The following DRG1 variants were observed in gnomAD, a reference collection of about 807,000 sequenced individuals.
DRG1 encodes developmentally-regulated GTP-binding protein 1.
In DRG1, 19 loss-of-function variants were observed where a neutral mutation model predicts 38.8. That is an observed-to-expected ratio of 0.49 (90% CI 0.34 to 0.72). The LOEUF (loss-of-function observed/expected upper bound fraction) is 0.72, where lower values mean the gene tolerates loss of function less well. Ranked by LOEUF, DRG1 falls within the 30% of genes least tolerant of loss-of-function variation. The probability of loss-of-function intolerance (pLI) is 0.01; values close to 1 mark genes in which losing one functional copy is unlikely to be tolerated. For synonymous variants in DRG1, 167 were observed against 157.5 expected (o/e 1.06, Z -0.45); for missense variants, 299 against 444.8 (o/e 0.67, Z 2.95).
intron 2 of DRG1, among the ~76,000 whole-genome samples, chr22:31,401,974 C>T (rs183525022): frequency 6.6e-6 from 1 of 152,062 alleles, no homozygotes; most frequent in Non-Finnish European, 1.5e-5. Context: ...TCGCTTGAAC[C>T]TGGGAGGTGG....
intron 8 of DRG1, among the ~76,000 whole-genome samples, chr22:31,432,227 C>A (rs2050143198): frequency 6.6e-6 from 1 of 151,890 alleles, no homozygotes; most frequent in Non-Finnish European, 1.5e-5. Context: ...CAGGTGCAAA[C>A]CACCATGCCT....
chr22:31,412,387 G>A (rs1332849629), intron 4 of DRG1, among the ~76,000 whole-genome samples: 3 of 128,226 alleles, frequency 2.3e-5, no homozygotes, highest in African/African-American at 8.9e-5. Context: ...GTCTCGCTCT[G>A]TCGCCCAGGC....
At chr22:31,423,087 A>C (rs1360031145) in intron 5 of DRG1, among the ~76,000 whole-genome samples, 193 bp from the exon 6 acceptor site, 1 of 152,180 alleles carries the variant, frequency 6.6e-6, no homozygotes, top group African/African-American at 2.4e-5. Context: ...GGAGGAACAC[A>C]GTTCAGCGTG....
At chr22:31,427,257 AGCATTTT>A in intron 8 of DRG1, 75 bp downstream of exon 8, 1 of 1,537,684 alleles carries the variant, frequency 6.5e-7, no homozygotes, top group Admixed American at 2.0e-5. Context: ...TTCTTAGGAT[AGCATTTT>A]AAAAAAGAAG....
chr22:31,408,501 A>C (rs2050001439), intron 3 of DRG1, among the ~76,000 whole-genome samples: 1 of 151,690 alleles, frequency 6.6e-6, no homozygotes, highest in African/African-American at 2.4e-5. Context: ...TAATCCCAGC[A>C]CTTTGGGAGA....
chr22:31,412,759 G>T (rs542012061), intron 4 of DRG1, among the ~76,000 whole-genome samples: 1 of 149,098 alleles, frequency 6.7e-6, no homozygotes, highest in African/African-American at 2.5e-5. Flanking sequence ...GTGGGATCTC[G>T]GCTCACTGGA....
rs571360551 is a variant in DRG1, at chr22:31,399,720, G to A, written c.37G>A (p.Ala13Thr). ...STLAKIAEIE[A>T]EMARTQKNKA... is the part of the protein sequence containing the mutation. Reference sequence around the variant, plus strand: ...CTTAGCTAAGATCGCGGAGATAGAAGCAGAGGTAATGGACGCAGCTGGCGG... The same window carrying A: ...CTTAGCTAAGATCGCGGAGATAGAAACAGAGGTAATGGACGCAGCTGGCGG... The change falls in exon 1 of 9, where the codon GCA becomes ACA. Residue 13 changes from alanine to threonine, a missense_variant. Ala to Thr is a moderately conservative substitution (Grantham distance 58). Transcript: ENST00000331457. 27 of 1,613,886 alleles carry A rather than the reference G, an allele frequency of 1.7e-5. No individual in the cohort carries two copies. The highest frequency in any genetic ancestry group is 2.2e-5 in the Non-Finnish European group (26 of 1,179,876).
intron 4 of DRG1, among the ~76,000 whole-genome samples, chr22:31,412,192 G>A (rs1279760613): frequency 6.6e-6 from 1 of 150,888 alleles, no homozygotes; most frequent in Non-Finnish European, 1.5e-5. Context: ...TACTTGGGAG[G>A]CTGAGGCAGG....
rs766152127 is a variant in DRG1, at chr22:31,412,396, G to A, written c.412+1315G>A. 8.9e-5 allele frequency among the ~76,000 whole-genome samples: 13 copies of A among 146,034 alleles called. No homozygotes were observed. In the East Asian group the frequency reaches 1.2e-3, roughly 14 times the overall value. Reference sequence around the variant, plus strand: ...GATGGAGTCTCGCTCTGTCGCCCAGGCTAGAATGCTGTGGTGCCATCTTGG... The same window carrying A: ...GATGGAGTCTCGCTCTGTCGCCCAGACTAGAATGCTGTGGTGCCATCTTGG... On this transcript the variant is annotated intron_variant, in intron 4 of 8. Transcript: ENST00000331457.
At chr22:31,426,814 T>C in intron 7 of DRG1, 32 bp downstream of exon 7, 1 of 1,606,814 alleles carries the variant, frequency 6.2e-7, no homozygotes, top group Non-Finnish European at 8.5e-7. Flanking sequence ...AATGTTGCTA[T>C]AGGAATTAAC....
In DRG1 at chr22:31,434,169, G is replaced by T; in HGVS notation, c.*198G>T. 1 of 543,714 alleles carries T rather than the reference G, an allele frequency of 1.8e-6. No individual in the cohort carries two copies. 33.7% of individuals were successfully genotyped at this position (543,714 alleles called of 1,614,324 possible). On this transcript the variant is annotated 3_prime_UTR_variant, in exon 9 of 9. Coordinates refer to ENST00000331457, the MANE Select transcript of DRG1 (RefSeq NM_004147.4). ...TCGAACTGCATAAAAGATCTGGTAG[G>T]CTGGTCAGCTACATGCAGCTCATGT...
At chr22:31,412,313 T>G (rs2145862610) in intron 4 of DRG1, among the ~76,000 whole-genome samples, 1 of 151,804 alleles carries the variant, frequency 6.6e-6, no homozygotes, top group South Asian at 2.1e-4. Context: ...AATTCTTGGT[T>G]TGGGCTTTTC....
At position 31,433,909 on chromosome 22, in the gene DRG1, CAG is replaced by C. The variant is rs1447636394; in HGVS notation, c.1044_1045del (p.Lys349SerfsTer3). 11 of 1,614,146 alleles carry C rather than the reference CAG, an allele frequency of 6.8e-6. No homozygotes were observed. Among genetic ancestry groups the C allele is most frequent in the Non-Finnish European group, 9.3e-6 (11 of 1,179,978 alleles). On this transcript the variant is annotated frameshift_variant, in exon 9 of 9. Transcript: ENST00000331457. LOFTEE classifies it high-confidence loss of function. The stretch of plus-strand genomic sequence containing the variant: ...GGGTCTCTCTGTGAAACACAATCCT[CAG>C]AAAGTGGGTAAAGACCATACGTTGG... ...VWGLSVKHNPQKVGKDHTLED... is the reference protein window; with the variant it reads ...VWGLSVKHNPXKVGKDHTLED...
chr22:31,405,692 T>C (rs1426598933), intron 3 of DRG1, among the ~76,000 whole-genome samples: 1 of 151,570 alleles, frequency 6.6e-6, no homozygotes, highest in Non-Finnish European at 1.5e-5. Flanking sequence ...GGGGGGTTTA[T>C]TTATTTTTTT....
intron 2 of DRG1, among the ~76,000 whole-genome samples, chr22:31,402,505 C>CTTTTTTT (rs66506650): frequency 4.8e-5 from 5 of 104,730 alleles, no homozygotes; most frequent in Admixed American, 1.2e-4. Context: ...TGGGCTGTAC[C>CTTTTTTT]TTTTTTTTTT....
intron 4 of DRG1, among the ~76,000 whole-genome samples, chr22:31,416,039 C>G (rs1335415663): frequency 6.6e-6 from 1 of 152,080 alleles, no homozygotes; most frequent in Non-Finnish European, 1.5e-5. Flanking sequence ...TCAGATCAGT[C>G]CAGGCACGAT....
At chr22:31,422,867 C>T (rs537485012) in intron 5 of DRG1, among the ~76,000 whole-genome samples, 11 of 152,232 alleles carry the variant, frequency 7.2e-5, no homozygotes, top group African/African-American at 2.4e-4. Context: ...GGCTTCTGTC[C>T]TTGGCTTACA....
At chr22:31,432,895 G>T (rs1333313457) in intron 8 of DRG1, among the ~76,000 whole-genome samples, 1 of 151,868 alleles carries the variant, frequency 6.6e-6, no homozygotes, top group African/African-American at 2.4e-5. Context: ...TTGACTCAAT[G>T]ATAATATAAC....
At chr22:31,401,646 CTTGGGAGGCTGAG>C (rs1202347965) in intron 2 of DRG1, among the ~76,000 whole-genome samples, 1 of 147,702 alleles carries the variant, frequency 6.8e-6, no homozygotes, top group Non-Finnish European at 1.5e-5. Context: ...GTCTCAGCTA[CTTGGGAGGCTGAG>C]TTGGGAGGAC....
Sources: allele counts gnomAD v4.1 joint callset (sites outside exome capture counted in the v4.1 genomes callset), GRCh38; gene constraint gnomAD v4.1.1; transcripts MANE v1.5; gene names NCBI Gene and HGNC (gene_info 2026-07-23, HGNC 2026-07-21).